Variants in FRMD4A observed in about 807,000 individuals in gnomAD.
FRMD4A encodes FERM domain-containing protein 4A.
Under a neutral mutation model 129.1 loss-of-function variants are expected in FRMD4A, and 29 were observed. That is an observed-to-expected ratio of 0.22 (90% CI 0.17 to 0.31). The LOEUF (loss-of-function observed/expected upper bound fraction) is 0.31, where lower values mean the gene tolerates loss of function less well. Among genes scored for constraint, FRMD4A ranks in the 10% least tolerant of loss-of-function variants. FRMD4A has a pLI of 1.00. For missense variants in FRMD4A, 1,272 were observed against 1,375.8 expected (o/e 0.92, Z 1.19); for synonymous variants, 634 against 571.6 (o/e 1.11, Z -1.56).
At chr10:13,900,993 C>T (rs2094813505) in intron 2 of FRMD4A, among the ~76,000 whole-genome samples, 1 of 152,240 alleles carries the variant, frequency 6.6e-6, no homozygotes. Context: ...TATAATAACT[C>T]AGTCTTCGCA....
chr10:14,002,540 A>G (rs1223084598), intron 2 of FRMD4A, among the ~76,000 whole-genome samples: 1 of 152,066 alleles, frequency 6.6e-6, no homozygotes, highest in Non-Finnish European at 1.5e-5. Flanking sequence ...GTTTATATGA[A>G]CTTTTAGATT....
chr10:13,711,500 C>T (rs2134924154), intron 12 of FRMD4A, among the ~76,000 whole-genome samples: 1 of 152,380 alleles, frequency 6.6e-6, no homozygotes, highest in East Asian at 1.9e-4. Context: ...TGCCAACACA[C>T]TCTGCCTCTC....
At chr10:13,966,176 T>G (rs1462039302) in intron 2 of FRMD4A, among the ~76,000 whole-genome samples, 2 of 152,080 alleles carry the variant, frequency 1.3e-5, no homozygotes, top group African/African-American at 4.8e-5. Flanking sequence ...CCCGCCATCG[T>G]ACCTGGCTAA....
chr10:13,669,063 T>G (rs1252637717), intron 17 of FRMD4A, among the ~76,000 whole-genome samples: 2 of 54,658 alleles, frequency 3.7e-5, no homozygotes, highest in Non-Finnish European at 8.0e-5. Context: ...TTTAGTTTTT[T>G]TTTTTTTTTT....
chr10:14,317,289 A>T (rs542072193), intron 2 of FRMD4A, among the ~76,000 whole-genome samples: 1 of 152,202 alleles, frequency 6.6e-6, no homozygotes, highest in East Asian at 1.9e-4. Context: ...TGCCTTCCTC[A>T]TACCCAAATG....
intron 5 of FRMD4A, among the ~76,000 whole-genome samples, chr10:13,786,771 A>C (rs2092876185): frequency 6.6e-6 from 1 of 152,180 alleles, no homozygotes; most frequent in Non-Finnish European, 1.5e-5. Flanking sequence ...ATATTAACAG[A>C]AGCCTCCTGA....
In FRMD4A at chr10:14,018,741, T is replaced by C. The variant is rs139159891; in HGVS notation, c.46-159829A>G. Reference sequence around the variant, plus strand: ...AGTGCAGAACTAGGACATTGTTCTTTTACAATTTCTATTCTGACAGACTAC... The same window carrying C: ...AGTGCAGAACTAGGACATTGTTCTTCTACAATTTCTATTCTGACAGACTAC... On this transcript the variant is annotated intron_variant, in intron 2 of 24. Coordinates refer to ENST00000357447, the MANE Select transcript of FRMD4A (RefSeq NM_018027.5). 1.2e-4 allele frequency among the ~76,000 whole-genome samples: 18 copies of C among 152,286 alleles called. 1 individual carries two copies. The East Asian group carries it at 3.3e-3, about 28-fold the overall frequency.
intron 2 of FRMD4A, among the ~76,000 whole-genome samples, chr10:14,137,707 C>T (rs1839614277): frequency 6.6e-6 from 1 of 152,202 alleles, no homozygotes. Flanking sequence ...GCAACCATCT[C>T]TCTTCATTAG....
intron 2 of FRMD4A, among the ~76,000 whole-genome samples, chr10:13,897,027 A>G (rs1255283965): frequency 6.6e-6 from 1 of 152,238 alleles, no homozygotes; most frequent in Non-Finnish European, 1.5e-5. Context: ...AATTTTTATT[A>G]TGCCCCATTG....
intron 3 of FRMD4A, among the ~76,000 whole-genome samples, chr10:13,844,079 A>G (rs1420745764): frequency 6.6e-6 from 1 of 152,110 alleles, no homozygotes; most frequent in Non-Finnish European, 1.5e-5. Flanking sequence ...TGTATGTAGG[A>G]GAGTGTGTGT....
At chr10:14,005,938 C>T (rs1366186418) in intron 2 of FRMD4A, among the ~76,000 whole-genome samples, 2 of 152,180 alleles carry the variant, frequency 1.3e-5, no homozygotes, top group Admixed American at 6.5e-5. Context: ...TCATTAGATG[C>T]TGTGAGACAA....
intron 2 of FRMD4A, among the ~76,000 whole-genome samples, chr10:14,297,237 T>G (rs1339253193): frequency 6.6e-6 from 1 of 152,014 alleles, no homozygotes; most frequent in East Asian, 1.9e-4. Context: ...GCAAAAGTGA[T>G]AGGTGTACTT....
chr10:13,650,442 A>G (rs989998074), intron 24 of FRMD4A, among the ~76,000 whole-genome samples: 1 of 152,138 alleles, frequency 6.6e-6, no homozygotes, highest in African/African-American at 2.4e-5. Flanking sequence ...TCGTGTATGT[A>G]TGTAGGTATT....
rs1227589191 is a variant in FRMD4A at position 14,129,061 on chromosome 10, G to GC, written c.45+200996dup. On this transcript the variant is annotated intron_variant, in intron 2 of 24. Coordinates refer to ENST00000357447, the MANE Select transcript of FRMD4A (RefSeq NM_018027.5). ...TTCACATAGCAACAGTGCAGGTGTG[G>GC]CCCCCCCAATACCCTATTTCCTCTT... 4.0e-5 allele frequency among the ~76,000 whole-genome samples: 6 copies of GC among 151,776 alleles called. No individual in the cohort carries two copies. In the South Asian group the frequency reaches 6.3e-4, roughly 16 times the overall value.
intron 2 of FRMD4A, among the ~76,000 whole-genome samples, chr10:14,113,979 T>G (rs994739626): frequency 6.6e-5 from 10 of 152,190 alleles, no homozygotes; most frequent in Admixed American, 5.9e-4. Context: ...CGAGAGCTAC[T>G]GTGAGTCGGC....
intron 2 of FRMD4A, among the ~76,000 whole-genome samples, chr10:14,101,184 T>A (rs553486893): frequency 6.6e-6 from 1 of 152,378 alleles, no homozygotes; most frequent in Admixed American, 6.5e-5. Flanking sequence ...TGAAAATTTC[T>A]GGGCTAGGTG....
intron 2 of FRMD4A, among the ~76,000 whole-genome samples, chr10:14,257,095 A>C (rs1717515): frequency 4.6e-5 from 7 of 151,920 alleles, no homozygotes; most frequent in African/African-American, 1.7e-4. Flanking sequence ...TTGGGAGGCC[A>C]AGGATGGGAT....
intron 23 of FRMD4A, chr10:13,652,401 G>T: frequency 5.2e-6 from 1 of 193,572 alleles, no homozygotes. Context: ...TCATATATTT[G>T]GATCAGGTGA....
At chr10:14,328,656 G>GTGTGTC (rs1554811063) in intron 2 of FRMD4A, among the ~76,000 whole-genome samples, 7 of 151,026 alleles carry the variant, frequency 4.6e-5, no homozygotes, top group African/African-American at 1.7e-4. Context: ...GTGTGTGTGT[G>GTGTGTC]TGTGCATATG....
Sources: gnomAD v4.1 joint callset for allele counts (sites outside exome capture counted in the v4.1 genomes callset) on GRCh38, gnomAD v4.1.1 for gene constraint, MANE v1.5 for transcripts, NCBI Gene and HGNC (gene_info 2026-07-23, HGNC 2026-07-21) for gene names.